Variants in HADHB observed in about 807,000 individuals in gnomAD.
HADHB encodes the protein hydroxyacyl-CoA dehydrogenase trifunctional multienzyme complex subunit beta, also known as trifunctional enzyme subunit beta, mitochondrial.
In HADHB, 50 loss-of-function variants were observed where a neutral mutation model predicts 61.9. The ratio of observed to expected loss-of-function variants is 0.81; its 90% CI spans 0.64 to 1.02. The LOEUF (loss-of-function observed/expected upper bound fraction) is 1.02, where lower values mean the gene tolerates loss of function less well. Among genes scored for constraint, HADHB ranks in the 50% least tolerant of loss-of-function variants. The probability of loss-of-function intolerance (pLI) is 0.00; values close to 1 mark genes in which losing one functional copy is unlikely to be tolerated. For synonymous variants in HADHB, 191 were observed against 201.6 expected, an observed-to-expected ratio of 0.95 and a Z score of 0.45; for missense variants, 504 against 586.5, an observed-to-expected ratio of 0.86 and a Z score of 1.45.
intron 3 of HADHB, chr2:26,260,614 A>C: frequency 5.3e-6 from 1 of 190,456 alleles, no homozygotes; most frequent in South Asian, 1.2e-4. Context: ...CTCTCAAGTT[A>C]CTGTTTGTCT....
At chr2:26,288,507 G>A (rs1041075645) in intron 15 of HADHB, among the ~76,000 whole-genome samples, 4 of 151,850 alleles carry the variant, frequency 2.6e-5, no homozygotes, top group South Asian at 2.1e-4. Flanking sequence ...TCAGGAGTTC[G>A]AGACCATCCT....
chr2:26,281,506 A>T (rs904579131), intron 10 of HADHB, among the ~76,000 whole-genome samples: 2 of 152,140 alleles, frequency 1.3e-5, no homozygotes, highest in African/African-American at 4.8e-5. Context: ...ACCGAATTGG[A>T]TGATAGAGCC....
intron 3 of HADHB, among the ~76,000 whole-genome samples, chr2:26,256,125 G>A (rs1033517860): frequency 2.0e-5 from 3 of 152,188 alleles, no homozygotes; most frequent in Non-Finnish European, 4.4e-5. Flanking sequence ...TGTATAACAT[G>A]GTGTTCCGCA....
At chr2:26,289,876 A>G in intron 15 of HADHB, 42 bp from the exon 16 acceptor site, 1 of 1,423,218 alleles carries the variant, frequency 7.0e-7, no homozygotes, top group Non-Finnish European at 9.9e-7. Flanking sequence ...AGGTGGATTC[A>G]TCACCATTCA....
intron 12 of HADHB, 84 bp downstream of exon 12, chr2:26,283,135 C>T: frequency 1.1e-6 from 1 of 886,332 alleles, no homozygotes; most frequent in Non-Finnish European, 1.9e-6. Context: ...AAATGATTAA[C>T]ACTGGTTTAT....
intron 10 of HADHB, among the ~76,000 whole-genome samples, chr2:26,282,167 T>C (rs1672817585): frequency 6.6e-6 from 1 of 151,868 alleles, no homozygotes; most frequent in East Asian, 1.9e-4. Context: ...ATAAGAGATA[T>C]GTTTATTTTG....
rs72851525 is a variant in HADHB, at chr2:26,273,850, G to C, written c.354+100G>C. 1,840 of 726,784 alleles carry C rather than the reference G, an allele frequency of 2.5e-3. 15 individuals carry two copies. Among genetic ancestry groups the C allele is most frequent in the African/African-American group, 0.021 (1,233 of 57,452 alleles). The allele number at this position is 726,784 out of a possible 1,614,324, so 45.0% of individuals were successfully genotyped here. A position where few individuals can be genotyped will look rare whatever the true frequency, so the allele number is the denominator to read the frequency against. ...TTTACAAAAGCCTTTAAAATCTATT[G>C]AGTTACATTTGACCTAAAATGTGAT... On this transcript the variant is annotated intron_variant, in intron 6 of 15. Transcript: ENST00000317799.
chr2:26,259,402 C>T lies in HADHB; in HGVS notation c.110-3978C>T, dbSNP rs539654556. The stretch of plus-strand genomic sequence containing the variant: ...GCAAACACAATCTGTGGGTAATTAA[C>T]GTTTATTTCTCCCCTTCCAGGAACG... On this transcript the variant is annotated intron_variant, in intron 3 of 15. Coordinates refer to ENST00000317799, the MANE Select transcript of HADHB (RefSeq NM_000183.3). Among the ~76,000 whole-genome samples, 42 of 152,316 alleles carry T rather than the reference C, an allele frequency of 2.8e-4. No homozygotes were observed. The South Asian group carries it at 8.5e-3, about 31-fold the overall frequency.
In HADHB at chr2:26,280,691, A is replaced by G. The variant is rs187634900; in HGVS notation, c.933+576A>G. On this transcript the variant is annotated intron_variant, in intron 10 of 15. Coordinates refer to ENST00000317799, the MANE Select transcript of HADHB (RefSeq NM_000183.3). ...AACATGGAGAAACCCCGTCTCTACT[A>G]AAAATACAAAATTAGCCAGATGTGG... Among the ~76,000 whole-genome samples the G allele has an allele frequency of 5.3e-4, 81 of 152,142 alleles. 1 individual carries two copies. The highest frequency in any genetic ancestry group is 1.6e-3 in the African/African-American group (65 of 41,510).
intron 6 of HADHB, among the ~76,000 whole-genome samples, chr2:26,274,903 T>C (rs1226803457): frequency 6.6e-6 from 1 of 152,174 alleles, no homozygotes; most frequent in Middle Eastern, 3.2e-3. Context: ...TAAAAATAAA[T>C]GTTTCCATTT....
intron 5 of HADHB, among the ~76,000 whole-genome samples, chr2:26,272,346 CTTTT>C (rs11340590): frequency 2.9e-5 from 4 of 136,016 alleles, no homozygotes; most frequent in Non-Finnish European, 4.8e-5. Context: ...TCCCATTTGT[CTTTT>C]TTTTTTTTTT....
chr2:26,256,022 A>G (rs192927910), intron 3 of HADHB, among the ~76,000 whole-genome samples: 1 of 152,342 alleles, frequency 6.6e-6, no homozygotes, highest in Admixed American at 6.5e-5. Context: ...TGTTTAAACT[A>G]TTCCTTATAT....
intron 15 of HADHB, among the ~76,000 whole-genome samples, chr2:26,286,574 C>A (rs1043803058): frequency 1.3e-5 from 2 of 152,094 alleles, no homozygotes; most frequent in African/African-American, 4.8e-5. Flanking sequence ...GCCACCTCGG[C>A]TCACTGCAAC....
intron 4 of HADHB, among the ~76,000 whole-genome samples, chr2:26,264,139 A>C (rs570612151): frequency 8.5e-5 from 13 of 152,310 alleles, no homozygotes; most frequent in Admixed American, 7.2e-4. Context: ...TTGAATAGGT[A>C]GTTGCCAGCT....
chr2:26,287,464 A>G (rs1392889960), intron 15 of HADHB, among the ~76,000 whole-genome samples: 4 of 152,198 alleles, frequency 2.6e-5, no homozygotes, highest in Non-Finnish European at 4.4e-5. Context: ...CATAGTGCGT[A>G]ATCCACATAG....
At chr2:26,263,797 T>G (rs1158327290) in intron 4 of HADHB, among the ~76,000 whole-genome samples, 1 of 152,204 alleles carries the variant, frequency 6.6e-6, no homozygotes, top group Non-Finnish European at 1.5e-5. Flanking sequence ...TCCCTGTTTC[T>G]CCTCAGAAGT....
chr2:26,287,926 T>C (rs1043170888), intron 15 of HADHB, among the ~76,000 whole-genome samples: 1 of 152,102 alleles, frequency 6.6e-6, no homozygotes, highest in Non-Finnish European at 1.5e-5. Context: ...CCAAATCTGA[T>C]CTAGAGCAAG....
chr2:26,249,846 T>C lies in HADHB; in HGVS notation c.-8-4401T>C, dbSNP rs563090369. Among the ~76,000 whole-genome samples the C allele has an allele frequency of 2.8e-3, 426 of 152,060 alleles. 1 individual carries two copies. Among genetic ancestry groups the C allele is most frequent in the Middle Eastern group, 6.8e-3 (2 of 294 alleles). The stretch of plus-strand genomic sequence containing the variant: ...GTTGTTTGAGGCCTTGGTACCTGAA[T>C]CAATGATCTTGGCAGAGAGAATGAG... On this transcript the variant is annotated intron_variant, in intron 1 of 15. Coordinates refer to ENST00000317799, the MANE Select transcript of HADHB (RefSeq NM_000183.3).
intron 15 of HADHB, among the ~76,000 whole-genome samples, chr2:26,289,204 C>T (rs937788762): frequency 5.3e-5 from 8 of 151,938 alleles, no homozygotes; most frequent in South Asian, 2.1e-4. Context: ...GAGCTGAGAT[C>T]GCGTCACTGT....
Sources: allele counts gnomAD v4.1 joint callset (sites outside exome capture counted in the v4.1 genomes callset), GRCh38; gene constraint gnomAD v4.1.1; transcripts MANE v1.5; gene names NCBI Gene and HGNC (gene_info 2026-07-23, HGNC 2026-07-21).